Variants in RBFOX1 observed in about 807,000 individuals in gnomAD.
The protein encoded by RBFOX1 is RNA binding fox-1 homolog 1, also known as RNA binding protein fox-1 homolog 1.
RBFOX1 carries 8 observed loss-of-function variants against 57.7 expected under a neutral mutation model. The ratio of observed to expected loss-of-function variants is 0.14; its 90% CI spans 0.08 to 0.25. The LOEUF is 0.25. Ranked by LOEUF, RBFOX1 falls within the 10% of genes least tolerant of loss-of-function variation. The pLI, the probability that RBFOX1 is intolerant of heterozygous loss-of-function variation, is 1.00. For missense variants in RBFOX1, 611 were observed against 548.5 expected, an observed-to-expected ratio of 1.11 and a Z score of -1.14; for synonymous variants, 326 against 222.4, an observed-to-expected ratio of 1.47 and a Z score of -4.15.
At chr16:6,495,286 T>C (rs2095738986) in intron 2 of RBFOX1, among the ~76,000 whole-genome samples, 1 of 152,132 alleles carries the variant, frequency 6.6e-6, no homozygotes, top group Admixed American at 6.5e-5. Context: ...GCCTGGCTAA[T>C]TTTTGTATTC....
chr16:5,982,296 T>C (rs867484909), intron 4 of RBFOX1, among the ~76,000 whole-genome samples: 4 of 151,872 alleles, frequency 2.6e-5, no homozygotes, highest in Admixed American at 1.3e-4. Flanking sequence ...TTTTTTGAGA[T>C]GGAGTCTCGC....
intron 4 of RBFOX1, among the ~76,000 whole-genome samples, chr16:7,121,084 C>A (rs1021008795): frequency 2.0e-5 from 3 of 151,920 alleles, no homozygotes; most frequent in African/African-American, 7.2e-5. Context: ...TAAAAACTCT[C>A]AACTAACTAG....
At chr16:7,708,243 C>T (rs543894380) in intron 14 of RBFOX1, among the ~76,000 whole-genome samples, 1 of 150,374 alleles carries the variant, frequency 6.7e-6, no homozygotes, top group African/African-American at 2.5e-5. Flanking sequence ...CACTTGATTC[C>T]TTTAAAAAAA....
intron 4 of RBFOX1, among the ~76,000 whole-genome samples, chr16:7,096,102 C>T (rs1426385135): frequency 6.6e-6 from 1 of 151,866 alleles, no homozygotes; most frequent in East Asian, 1.9e-4. Context: ...GTTCTGACGA[C>T]CCAGGAGACA....
chr16:6,803,653 A>G (rs1008727583), intron 3 of RBFOX1, among the ~76,000 whole-genome samples: 1 of 152,222 alleles, frequency 6.6e-6, no homozygotes, highest in African/African-American at 2.4e-5. Flanking sequence ...ATCTTTCACC[A>G]TTAATAATTT....
At chr16:6,330,519 C>T (rs2082889643) in intron 2 of RBFOX1, among the ~76,000 whole-genome samples, 1 of 152,140 alleles carries the variant, frequency 6.6e-6, no homozygotes, top group Non-Finnish European at 1.5e-5. Flanking sequence ...TGCTCTTCCT[C>T]ATCTCTTCCT....
intron 2 of RBFOX1, among the ~76,000 whole-genome samples, chr16:6,647,359 C>T (rs189570116): frequency 1.1e-4 from 17 of 152,172 alleles, no homozygotes; most frequent in Non-Finnish European, 1.9e-4. Context: ...GATTCTCCTG[C>T]CTCAGCCTCC....
intron 2 of RBFOX1, among the ~76,000 whole-genome samples, chr16:6,524,549 G>T (rs1221095910): frequency 6.6e-6 from 1 of 152,178 alleles, no homozygotes; most frequent in African/African-American, 2.4e-5. Context: ...GTACCACAAG[G>T]TTGTGGGCAC....
chr16:5,438,842 C>T (rs1000617483), intron 1 of RBFOX1, among the ~76,000 whole-genome samples: 5 of 152,022 alleles, frequency 3.3e-5, no homozygotes, highest in Non-Finnish European at 5.9e-5. Context: ...GTCAAAATCC[C>T]GCCTTCACCA....
intron 4 of RBFOX1, among the ~76,000 whole-genome samples, chr16:7,056,634 A>C (rs2052378534): frequency 6.6e-6 from 1 of 152,112 alleles, no homozygotes; most frequent in Admixed American, 6.6e-5. Context: ...CAGTTGAGGG[A>C]GATTGTATGT....
chr16:7,291,050 A>G (rs916250115), intron 4 of RBFOX1, among the ~76,000 whole-genome samples: 1 of 152,228 alleles, frequency 6.6e-6, no homozygotes, highest in Non-Finnish European at 1.5e-5. Flanking sequence ...TCATTAAAGC[A>G]GTTTCAGCCA....
chr16:7,337,344 T>A (rs2096808961), intron 4 of RBFOX1, among the ~76,000 whole-genome samples: 1 of 152,080 alleles, frequency 6.6e-6, no homozygotes, highest in Non-Finnish European at 1.5e-5. Context: ...GGAAGGGAAC[T>A]GGTATTTGAG....
At chr16:6,969,213 C>G (rs970336172) in intron 3 of RBFOX1, among the ~76,000 whole-genome samples, 1 of 152,196 alleles carries the variant, frequency 6.6e-6, no homozygotes, top group Admixed American at 6.5e-5. Flanking sequence ...AGTCCTTCAC[C>G]TGTTATGTGA....
At chr16:6,017,807 A>T (rs888381981), upstream of RBFOX1, among the ~76,000 whole-genome samples, 2 of 152,196 alleles carry the variant, frequency 1.3e-5, no homozygotes, top group African/African-American at 4.8e-5. Context: ...GGGCGCTAGG[A>T]AATACACGTA....
chr16:6,278,377 C>CAAAAAAAAAAAAAA (rs57523660), intron 1 of RBFOX1, among the ~76,000 whole-genome samples: 1 of 28,070 alleles, frequency 3.6e-5, no homozygotes, highest in African/African-American at 1.3e-4. Flanking sequence ...TAGGACTCAC[C>CAAAAAAAAAAAAAA]AAAAAAAAAA....
chr16:7,021,296 C>G (rs80129396), intron 3 of RBFOX1, among the ~76,000 whole-genome samples: 6,242 of 147,956 alleles, frequency 0.042, 458 homozygotes, highest in African/African-American at 0.15. Flanking sequence ...TTTATTTTCT[C>G]TCTCTCTCTA....
chr16:6,023,311 G>T (rs1385573037), intron 1 of RBFOX1, among the ~76,000 whole-genome samples: 1 of 151,716 alleles, frequency 6.6e-6, no homozygotes, highest in East Asian at 1.9e-4. Flanking sequence ...TAAGGTTTGA[G>T]CACAGGTCTT....
At chr16:5,305,715 G>T (rs1373684404) in intron 1 of RBFOX1, among the ~76,000 whole-genome samples, 1 of 152,142 alleles carries the variant, frequency 6.6e-6, no homozygotes, top group Non-Finnish European at 1.5e-5. Flanking sequence ...ACTTCTGGGT[G>T]GTGGGCAGCC....
chr16:6,961,309 C>G (rs1333580885), intron 3 of RBFOX1, among the ~76,000 whole-genome samples: 1 of 152,224 alleles, frequency 6.6e-6, no homozygotes, highest in Non-Finnish European at 1.5e-5. Context: ...GCAGACAGTC[C>G]TGGCCATGCA....
Sources: gnomAD v4.1 joint callset for allele counts (sites outside exome capture counted in the v4.1 genomes callset) on GRCh38, gnomAD v4.1.1 for gene constraint, MANE v1.5 for transcripts, NCBI Gene and HGNC (gene_info 2026-07-23, HGNC 2026-07-21) for gene names.